Variants in MAP6 observed in about 807,000 individuals in gnomAD.
The protein encoded by MAP6 is microtubule associated protein 6.
A neutral mutation model predicts 42.4 loss-of-function variants in MAP6; 26 were observed. The ratio of observed to expected loss-of-function variants is 0.61; its 90% CI spans 0.45 to 0.85. The LOEUF (loss-of-function observed/expected upper bound fraction) is 0.85, where lower values mean the gene tolerates loss of function less well. MAP6 is among the 40% of genes least tolerant of loss of function. The pLI, the probability that MAP6 is intolerant of heterozygous loss-of-function variation, is 0.00. For missense variants in MAP6, 966 were observed against 1,099.0 expected (o/e 0.88, Z 1.71); for synonymous variants, 418 against 443.8 (o/e 0.94, Z 0.73).
chr11:75,633,393 G>A (rs1008007512), intron 1 of MAP6, among the ~76,000 whole-genome samples: 4 of 152,196 alleles, frequency 2.6e-5, no homozygotes, highest in African/African-American at 7.2e-5. Context: ...ACATGCTAGT[G>A]AGAGATGCTA....
chr11:75,635,165 C>T (rs969101005), intron 1 of MAP6, among the ~76,000 whole-genome samples: 3 of 152,182 alleles, frequency 2.0e-5, no homozygotes, highest in African/African-American at 7.2e-5. Context: ...GGACTCTGCT[C>T]TTCTTGGAGG....
In MAP6 at chr11:75,587,736, AGACCATGG is replaced by A; in HGVS notation, c.1757_1764del (p.Pro586LeufsTer29). 6.2e-7 allele frequency: 1 copy of A among 1,607,574 alleles called. No individual in the cohort carries two copies. The highest frequency in any genetic ancestry group is 8.5e-7 in the Non-Finnish European group (1 of 1,176,692). On this transcript the variant is annotated frameshift_variant, in exon 4 of 4. Transcript: ENST00000304771. LOFTEE classifies it low-confidence loss of function (END_TRUNC). ...GGACCTTGATCCTTGACAGATGCTG[AGACCATGG>A]GACCTTCATCCTTGACAGGTGCTGG...
At chr11:75,652,602 C>G (rs1291000942) in intron 1 of MAP6, among the ~76,000 whole-genome samples, 1 of 152,084 alleles carries the variant, frequency 6.6e-6, no homozygotes, top group East Asian at 1.9e-4. Flanking sequence ...CTTTAAGAGG[C>G]CGAGGTGGGT....
chr11:75,587,251 A>T lies in MAP6; in HGVS notation c.2250T>A (p.Val750=), dbSNP rs1942371356. The T allele has an allele frequency of 6.2e-7, 1 of 1,614,070 alleles. No individual in the cohort carries two copies. Among genetic ancestry groups the T allele is most frequent in the East Asian group, 2.2e-5 (1 of 44,868 alleles). Residue 750 remains valine, a synonymous_variant, in exon 4 of 4, where the codon GTT becomes GTA. Transcript: ENST00000304771. ...RIVPEPLKNQ[V]PIVPVPLKDQ... ...CCTTCAGAGGCACTGGGACTATAGG[A>T]ACTTGATTCTTCAGAGGTTCAGGGA... is the stretch of plus-strand genomic sequence containing the variant.
intron 3 of MAP6, among the ~76,000 whole-genome samples, chr11:75,592,246 GTC>G (rs1942492205): frequency 6.6e-6 from 1 of 152,150 alleles, no homozygotes; most frequent in African/African-American, 2.4e-5. Context: ...CCGTCTCACA[GTC>G]TCTCTCTCCG....
chr11:75,651,903 G>T (rs1943652008), intron 1 of MAP6, among the ~76,000 whole-genome samples: 1 of 152,102 alleles, frequency 6.6e-6, no homozygotes, highest in Admixed American at 6.5e-5. Flanking sequence ...TCAGAAATTG[G>T]CAAACTATTG....
chr11:75,623,375 T>A (rs1316777013), intron 1 of MAP6, among the ~76,000 whole-genome samples: 1 of 152,172 alleles, frequency 6.6e-6, no homozygotes, highest in Non-Finnish European at 1.5e-5. Context: ...CAATGTATAA[T>A]TTTACTAAAT....
In MAP6 at chr11:75,636,582, G is replaced by A. The variant is rs953484788; in HGVS notation, c.906-28260C>T. Among the ~76,000 whole-genome samples, 3 of 152,242 alleles carry A rather than the reference G, an allele frequency of 2.0e-5. No homozygotes were observed. In the South Asian group the frequency reaches 6.2e-4, roughly 32 times the overall value. On this transcript the variant is annotated intron_variant, in intron 1 of 3. Coordinates refer to ENST00000304771, the MANE Select transcript of MAP6 (RefSeq NM_033063.2). ...TAGAGATAGTAAACAACTTGTCTAT[G>A]AGGGTACCTTTTATATGCAAACCAA... is the stretch of plus-strand genomic sequence containing the variant.
intron 1 of MAP6, among the ~76,000 whole-genome samples, chr11:75,633,758 T>C (rs1943321715): frequency 6.6e-6 from 1 of 152,092 alleles, no homozygotes; most frequent in African/African-American, 2.4e-5. Flanking sequence ...CCGGAGGATG[T>C]GTCTGAGGAA....
chr11:75,652,364 C>T (rs1943661487), intron 1 of MAP6, among the ~76,000 whole-genome samples: 1 of 152,198 alleles, frequency 6.6e-6, no homozygotes, highest in African/African-American at 2.4e-5. Context: ...GCATGTCTAG[C>T]TCTCCATGCC....
chr11:75,619,238 T>G (rs1192519026), intron 1 of MAP6, among the ~76,000 whole-genome samples: 2 of 152,016 alleles, frequency 1.3e-5, no homozygotes, highest in Non-Finnish European at 2.9e-5. Context: ...TCTGAAAAAA[T>G]GTTTTATTTG....
intron 1 of MAP6, among the ~76,000 whole-genome samples, chr11:75,661,446 A>AT (rs1342140676): frequency 1.3e-5 from 2 of 152,120 alleles, no homozygotes; most frequent in South Asian, 2.1e-4. Context: ...AGCATTTCAG[A>AT]TAAAAAATAG....
chr11:75,631,804 TGTCGCAGGA>T (rs1302958133), intron 1 of MAP6, among the ~76,000 whole-genome samples: 2 of 152,260 alleles, frequency 1.3e-5, no homozygotes, highest in Non-Finnish European at 2.9e-5. Flanking sequence ...TAATTTCTGC[TGTCGCAGGA>T]GATAGGCACT....
intron 1 of MAP6, among the ~76,000 whole-genome samples, chr11:75,625,529 C>A (rs1176925778): frequency 6.6e-6 from 1 of 152,102 alleles, no homozygotes; most frequent in Non-Finnish European, 1.5e-5. Flanking sequence ...AGGGACCTCC[C>A]CTCATTCTAA....
intron 1 of MAP6, among the ~76,000 whole-genome samples, chr11:75,615,691 G>T (rs1145696): frequency 6.6e-6 from 1 of 152,174 alleles, no homozygotes; most frequent in African/African-American, 2.4e-5. Flanking sequence ...TCCAGCGCCA[G>T]GCTTCTTTCT....
chr11:75,645,804 A>G (rs1384023157), intron 1 of MAP6, among the ~76,000 whole-genome samples: 1 of 152,202 alleles, frequency 6.6e-6, no homozygotes, highest in Non-Finnish European at 1.5e-5. Context: ...TGAGGTACAT[A>G]TCCTATTTGA....
In MAP6 at chr11:75,606,053, G is replaced by A. The variant is rs547869850; in HGVS notation, c.1120-49C>T. On this transcript the variant is annotated intron_variant, in intron 2 of 3. Coordinates refer to ENST00000304771, the MANE Select transcript of MAP6 (RefSeq NM_033063.2). ...ATACAGAAACACAAAAAGGTGGGGC[G>A]TGGGAAGGAATTTAGAGAGAAAAGA... 479 of 1,597,038 alleles carry A rather than the reference G, an allele frequency of 3.0e-4. 8 individuals carry two copies. The South Asian group carries it at 4.9e-3, about 16-fold the overall frequency.
chr11:75,623,408 AG>A (rs1436556786), intron 1 of MAP6, among the ~76,000 whole-genome samples: 1 of 152,206 alleles, frequency 6.6e-6, no homozygotes, highest in Non-Finnish European at 1.5e-5. Flanking sequence ...TACACTTAAA[AG>A]GGGTGCATTT....
At chr11:75,618,863 C>A (rs192807686) in intron 1 of MAP6, among the ~76,000 whole-genome samples, 2 of 152,316 alleles carry the variant, frequency 1.3e-5, no homozygotes, top group Non-Finnish European at 2.9e-5. Context: ...TTTGTCTCCC[C>A]CAGAAGCACA....
Sources: allele counts gnomAD v4.1 joint callset (sites outside exome capture counted in the v4.1 genomes callset), GRCh38; gene constraint gnomAD v4.1.1; transcripts MANE v1.5; gene names NCBI Gene and HGNC (gene_info 2026-07-23, HGNC 2026-07-21).